SNX30: variants seen among roughly 807,000 people sequenced by gnomAD.
The protein encoded by SNX30 is sorting nexin-30.
A neutral mutation model predicts 46.4 loss-of-function variants in SNX30; 24 were observed. That is an observed-to-expected ratio of 0.52 (90% confidence interval 0.37 to 0.73). The LOEUF is 0.73. SNX30 is among the 30% of genes least tolerant of loss of function. The probability of loss-of-function intolerance (pLI) is 0.00; values close to 1 mark genes in which losing one functional copy is unlikely to be tolerated. For missense variants in SNX30, 533 were observed against 555.7 expected (o/e 0.96, Z 0.41); for synonymous variants, 189 against 211.5 (o/e 0.89, Z 0.92).
At chr9:112,789,913 T>C (rs1839993387) in intron 1 of SNX30, among the ~76,000 whole-genome samples, 1 of 152,222 alleles carries the variant, frequency 6.6e-6, no homozygotes, top group African/African-American at 2.4e-5. Context: ...TTGAAACAGG[T>C]GATCTCTTAA....
At chr9:112,795,163 CGTGTGTGTGTGTCT>C (rs1428055528) in intron 1 of SNX30, among the ~76,000 whole-genome samples, 3 of 152,036 alleles carry the variant, frequency 2.0e-5, no homozygotes, top group Non-Finnish European at 4.4e-5. Flanking sequence ...CTTACAAGCA[CGTGTGTGTGTGTCT>C]GTGTGTGTGT....
At chr9:112,831,219 C>T (rs935645490) in intron 4 of SNX30, among the ~76,000 whole-genome samples, 7 of 151,338 alleles carry the variant, frequency 4.6e-5, no homozygotes, top group Admixed American at 3.9e-4. Context: ...ACAGGGTTGT[C>T]ATAAAATTGG....
At chr9:112,765,293 G>GAT (rs1320565559) in intron 1 of SNX30, among the ~76,000 whole-genome samples, 2 of 152,192 alleles carry the variant, frequency 1.3e-5, no homozygotes, top group African/African-American at 4.8e-5. Context: ...TACAAATTGT[G>GAT]ATATACTTCA....
chr9:112,764,144 T>G (rs542311770), intron 1 of SNX30, among the ~76,000 whole-genome samples: 19 of 152,272 alleles, frequency 1.2e-4, no homozygotes, highest in African/African-American at 3.4e-4. Flanking sequence ...AGATGATGTT[T>G]GAGCTGGAGA....
intron 1 of SNX30, among the ~76,000 whole-genome samples, chr9:112,783,453 T>G (rs115679625): frequency 8.5e-5 from 13 of 152,320 alleles, no homozygotes; most frequent in African/African-American, 2.9e-4. Context: ...ACTTAAACAT[T>G]TAATTTCTTT....
At chr9:112,761,561 G>T (rs1202706740) in intron 1 of SNX30, among the ~76,000 whole-genome samples, 1 of 152,160 alleles carries the variant, frequency 6.6e-6, no homozygotes, top group East Asian at 1.9e-4. Context: ...ACCTGGTTTT[G>T]GTTGGACTTG....
In SNX30 at chr9:112,869,658, G is replaced by GT. The variant is rs1333569692; in HGVS notation, c.*817dup. 1 of 143,858 alleles carries GT rather than the reference G, an allele frequency of 7.0e-6. No individual in the cohort carries two copies. Among genetic ancestry groups the GT allele is most frequent in the Non-Finnish European group, 1.5e-5 (1 of 65,988 alleles). The allele number at this position is 143,858 out of a possible 1,614,324, so 8.9% of individuals were successfully genotyped here. A position where few individuals can be genotyped will look rare whatever the true frequency, so the allele number is the denominator to read the frequency against. On this transcript the variant is annotated 3_prime_UTR_variant, in exon 9 of 9. Transcript: ENST00000374232. ...TGTGAAGGTCTTCAGTGTTTTGCTT[G>GT]TTCACTGTCATCAGAGCAGGGATTA...
At position 112,784,207 on chromosome 9, in the gene SNX30, C is replaced by G. The variant is rs1382904947; in HGVS notation, c.157-20569C>G. 2.6e-5 allele frequency among the ~76,000 whole-genome samples: 4 copies of G among 152,164 alleles called. No individual in the cohort carries two copies. The East Asian group carries it at 7.7e-4, about 29-fold the overall frequency. Reference sequence around the variant, plus strand: ...CCCTTGCCTCTCCTGGCACCTACCCCCTAGGTCAGGTACTACTGGGAGAGG... The same window carrying G: ...CCCTTGCCTCTCCTGGCACCTACCCGCTAGGTCAGGTACTACTGGGAGAGG... On this transcript the variant is annotated intron_variant, in intron 1 of 8. Coordinates refer to ENST00000374232, the MANE Select transcript of SNX30 (RefSeq NM_001012994.2).
chr9:112,876,706 G>A (rs147991016), downstream of SNX30, among the ~76,000 whole-genome samples: 1 of 152,066 alleles, frequency 6.6e-6, no homozygotes, highest in African/African-American at 2.4e-5. Flanking sequence ...GGAGGTCGAG[G>A]CAGGTGGATC....
At chr9:112,788,408 A>C (rs1282682107) in intron 1 of SNX30, among the ~76,000 whole-genome samples, 2 of 152,158 alleles carry the variant, frequency 1.3e-5, no homozygotes, top group Non-Finnish European at 2.9e-5. Flanking sequence ...GAAACATGTC[A>C]ATGAGAACCA....
chr9:112,883,680 GTTT>G, downstream of SNX30, among the ~76,000 whole-genome samples: 1 of 143,514 alleles, frequency 7.0e-6, no homozygotes, highest in South Asian at 2.3e-4. Flanking sequence ...TCTCTTTTCT[GTTT>G]TTTTCTTTTT....
At chr9:112,767,123 T>TC (rs199800233) in intron 1 of SNX30, among the ~76,000 whole-genome samples, 23 of 146,222 alleles carry the variant, frequency 1.6e-4, no homozygotes, top group Admixed American at 1.4e-4. Context: ...CTAATTATTT[T>TC]ATTTTTTTTT....
intron 3 of SNX30, among the ~76,000 whole-genome samples, chr9:112,828,654 A>G (rs1157736308): frequency 6.6e-6 from 1 of 152,220 alleles, no homozygotes. Context: ...ATCCGTTGAC[A>G]GGGAACTTTG....
chr9:112,850,801 G>T, intron 6 of SNX30, 58 bp from the exon 7 acceptor site: 1 of 1,322,804 alleles, frequency 7.6e-7, no homozygotes. Context: ...ATTGCCTGGG[G>T]GTGGGAGGCC....
chr9:112,864,989 G>GCA (rs1206923132), intron 8 of SNX30, among the ~76,000 whole-genome samples: 4 of 48,322 alleles, frequency 8.3e-5, no homozygotes, highest in Admixed American at 2.2e-4. Flanking sequence ...ACATGCGCGT[G>GCA]CACACACACA....
intron 4 of SNX30, 100 bp downstream of exon 4, chr9:112,830,983 T>A: frequency 7.9e-7 from 1 of 1,258,578 alleles, no homozygotes; most frequent in Non-Finnish European, 1.1e-6. Flanking sequence ...CAAAAACTTT[T>A]AACAAATAGC....
intron 1 of SNX30, among the ~76,000 whole-genome samples, chr9:112,797,036 T>C (rs1840118138): frequency 6.6e-6 from 1 of 152,214 alleles, no homozygotes; most frequent in Non-Finnish European, 1.5e-5. Context: ...CATGTCACTT[T>C]CTTGCCATAT....
chr9:112,761,306 GT>G (rs1839432266), intron 1 of SNX30, among the ~76,000 whole-genome samples: 1 of 152,132 alleles, frequency 6.6e-6, no homozygotes, highest in African/African-American at 2.4e-5. Context: ...GGGATTACAG[GT>G]GCATGCCACC....
Position 112,779,062 on chromosome 9 carries a change from G to A in SNX30, c.157-25714G>A, listed in dbSNP as rs114988396. 3.2e-3 allele frequency among the ~76,000 whole-genome samples: 490 copies of A among 152,360 alleles called. 3 individuals carry two copies. The highest frequency in any genetic ancestry group is 0.011 in the African/African-American group (458 of 41,576). ...ATACAAAGTGCTCGTGGCACTTGGG[G>A]GAATTACTGATGGTCTGAGGATTGG... On this transcript the variant is annotated intron_variant, in intron 1 of 8. Coordinates refer to ENST00000374232, the MANE Select transcript of SNX30 (RefSeq NM_001012994.2).
Sources: gnomAD v4.1 joint callset for allele counts (sites outside exome capture counted in the v4.1 genomes callset) on GRCh38, gnomAD v4.1.1 for gene constraint, MANE v1.5 for transcripts, NCBI Gene and HGNC (gene_info 2026-07-23, HGNC 2026-07-21) for gene names.